Variants in MCF2 observed in about 807,000 individuals in gnomAD.
MCF2 encodes proto-oncogene DBL.
A neutral mutation model predicts 82.5 loss-of-function variants in MCF2; 44 were observed. The ratio of observed to expected loss-of-function variants is 0.53; its 90% CI spans 0.42 to 0.69. MCF2 has a LOEUF of 0.69. MCF2 is among the 30% of genes least tolerant of loss of function. The pLI, the probability that MCF2 is intolerant of heterozygous loss-of-function variation, is 0.00. For synonymous variants in MCF2, 217 were observed against 224.9 expected (o/e 0.96, Z 0.32); for missense variants, 623 against 663.1 (o/e 0.94, Z 0.66).
intron 3 of MCF2, among the ~76,000 whole-genome samples, chrX:139,631,191 A>T (rs1434891999): frequency 8.9e-6 from 1 of 111,797 alleles, no homozygotes; most frequent in Non-Finnish European, 1.9e-5. Context: ...ATCCTCAGTG[A>T]CTGCTCATCA....
intron 1 of MCF2, among the ~76,000 whole-genome samples, chrX:139,655,805 C>T (rs1203916779): frequency 4.5e-5 from 5 of 111,444 alleles, no homozygotes; most frequent in Non-Finnish European, 7.5e-5. Flanking sequence ...ATGTCATCTA[C>T]AAACAAAACT....
chrX:139,637,682 G>T (rs988020198), intron 1 of MCF2, among the ~76,000 whole-genome samples: 1 of 111,491 alleles, frequency 9.0e-6, no homozygotes, highest in African/African-American at 3.3e-5. Context: ...CATGCAGTAG[G>T]TTCTATTTTT....
At chrX:139,645,735 G>T, upstream of MCF2, 1 of 538,897 alleles carries the variant, frequency 1.9e-6, no homozygotes, top group Non-Finnish European at 3.1e-6. Flanking sequence ...TTCTATTTCT[G>T]ATTATTTCAT....
At chrX:139,678,187 C>T (rs762871896) in intron 1 of MCF2, among the ~76,000 whole-genome samples, 48 of 111,718 alleles carry the variant, frequency 4.3e-4, no homozygotes, top group African/African-American at 1.4e-3. Context: ...TTTAATGCAT[C>T]GCTGAGCTGG....
chrX:139,639,411 C>T (rs926355816), intron 1 of MCF2, among the ~76,000 whole-genome samples: 12 of 111,471 alleles, frequency 1.1e-4, no homozygotes, highest in African/African-American at 2.0e-4. Flanking sequence ...TCAGTAAAAG[C>T]GAACCAGCTG....
At chrX:139,673,056 G>A (rs895984960) in intron 1 of MCF2, among the ~76,000 whole-genome samples, 1 of 111,806 alleles carries the variant, frequency 8.9e-6, no homozygotes, top group South Asian at 3.7e-4. Context: ...GGGTGTATGT[G>A]TCGAGGAATT....
In MCF2 at chrX:139,642,243, C is replaced by G. The variant is rs754704872; in HGVS notation, c.51+225G>C. ...AGGTGCTCATTCATAAACCTGATGA[C>G]ATTTAGATTTTGAAATTATATTCTA... is the stretch of plus-strand genomic sequence containing the variant. On this transcript the variant is annotated intron_variant, in intron 1 of 24. Transcript: ENST00000370576. Among the ~76,000 whole-genome samples the G allele has an allele frequency of 1.2e-4, 13 of 112,134 alleles. No individual in the cohort carries two copies. In the South Asian group the frequency reaches 2.2e-3, roughly 19 times the overall value.
At chrX:139,672,373 G>C (rs1386924492) in intron 1 of MCF2, among the ~76,000 whole-genome samples, 1 of 112,456 alleles carries the variant, frequency 8.9e-6, no homozygotes, top group Non-Finnish European at 1.9e-5. Context: ...TGGTGAGAGG[G>C]GGCACCCCTG....
chrX:139,663,202 T>A (rs1055419642), intron 1 of MCF2, among the ~76,000 whole-genome samples: 2 of 112,401 alleles, frequency 1.8e-5, no homozygotes, highest in Non-Finnish European at 3.8e-5. Context: ...TATTTTTAAT[T>A]TTTTGAGAAA....
At chrX:139,651,877 A>G in intron 1 of MCF2, 89 bp from the exon 2 acceptor site, 1 of 552,022 alleles carries the variant, frequency 1.8e-6, no homozygotes, top group Non-Finnish European at 2.9e-6. Flanking sequence ...CTGTGTCTAA[A>G]ATTATTCTGG....
intron 1 of MCF2, among the ~76,000 whole-genome samples, chrX:139,676,904 C>A (rs1477419309): frequency 9.0e-6 from 1 of 111,299 alleles, no homozygotes; most frequent in Admixed American, 9.6e-5. Flanking sequence ...TGTCAGGCAA[C>A]CAACAGGTGA....
intron 1 of MCF2, among the ~76,000 whole-genome samples, chrX:139,689,347 A>G (rs1359052408): frequency 8.9e-6 from 1 of 111,978 alleles, no homozygotes; most frequent in African/African-American, 3.3e-5. Flanking sequence ...TGCACTGTAC[A>G]GCCATAGTAA....
chrX:139,611,592 A>T (rs1216907621), intron 10 of MCF2, among the ~76,000 whole-genome samples: 1 of 112,218 alleles, frequency 8.9e-6, no homozygotes, highest in Non-Finnish European at 1.9e-5. Flanking sequence ...TTCATTTTTA[A>T]CAATATAAAT....
At chrX:139,627,659 C>T (rs1200990481) in intron 4 of MCF2, among the ~76,000 whole-genome samples, 4 of 111,597 alleles carry the variant, frequency 3.6e-5, no homozygotes, top group African/African-American at 6.5e-5. Flanking sequence ...CCAATATTTA[C>T]GAAGTACCAA....
Position 139,664,295 on chromosome X carries a change from C to T in MCF2, c.-44-12507G>A, listed in dbSNP as rs189018510. 8.3e-3 allele frequency among the ~76,000 whole-genome samples: 894 copies of T among 107,941 alleles called. 6 individuals carry two copies. Among genetic ancestry groups the T allele is most frequent in the African/African-American group, 0.029 (817 of 28,661 alleles). The allele number at this position is 107,941 out of a possible 115,157, so 93.7% of individuals were successfully genotyped here. A position where few individuals can be genotyped will look rare whatever the true frequency, so the allele number is the denominator to read the frequency against. On this transcript the variant is annotated intron_variant, in intron 1 of 27. Transcript: ENST00000414978. ...TAGGATTACAGGCATTGAGCCACCGCGCCCAGCCTTTTTAAAACAAAAAAC... is the reference window on the plus strand; with the variant it reads ...TAGGATTACAGGCATTGAGCCACCGTGCCCAGCCTTTTTAAAACAAAAAAC...
intron 1 of MCF2, among the ~76,000 whole-genome samples, chrX:139,704,001 C>G (rs1363784565): frequency 1.8e-5 from 2 of 111,762 alleles, no homozygotes; most frequent in Non-Finnish European, 3.8e-5. Context: ...AAATCTGTTA[C>G]AGAGGATCAA....
In MCF2 at chrX:139,587,635, T is replaced by C. The variant is rs1003209510; in HGVS notation, c.2522+81A>G. The C allele has an allele frequency of 9.2e-5, 58 of 630,023 alleles. No homozygotes were observed. In the East Asian group the frequency reaches 1.8e-3, roughly 19 times the overall value. The allele number at this position is 630,023 out of a possible 1,213,427, so 51.9% of individuals were successfully genotyped here. On this transcript the variant is annotated intron_variant, in intron 22 of 24. Transcript: ENST00000370576. ...ATTGGTGGATGGTTCTTGTCAGAGA[T>C]ACTTTAATTACATTGCTTCATGTTA...
intron 4 of MCF2, among the ~76,000 whole-genome samples, chrX:139,627,859 T>A (rs905704888): frequency 4.5e-5 from 5 of 111,911 alleles, no homozygotes; most frequent in Non-Finnish European, 9.4e-5. Context: ...TTTCTTTCCT[T>A]GGACAGAGCT....
upstream of MCF2, among the ~76,000 whole-genome samples, chrX:139,645,220 T>TC (rs1475248730): frequency 9.0e-6 from 1 of 110,788 alleles, no homozygotes; most frequent in Non-Finnish European, 1.9e-5. Flanking sequence ...TTATACTTTT[T>TC]CACATACGAG....
Sources: allele counts gnomAD v4.1 joint callset (sites outside exome capture counted in the v4.1 genomes callset), GRCh38; gene constraint gnomAD v4.1.1; transcripts MANE v1.5; gene names NCBI Gene and HGNC (gene_info 2026-07-23, HGNC 2026-07-21).